Variants in FHAD1 observed in about 807,000 individuals in gnomAD.
FHAD1 encodes forkhead-associated domain-containing protein 1.
In FHAD1, 146 loss-of-function variants were observed where a neutral mutation model predicts 191.3. The observed-to-expected ratio is 0.76, with a 90% CI of 0.67 to 0.88. The LOEUF (loss-of-function observed/expected upper bound fraction) is 0.88. Among genes scored for constraint, FHAD1 ranks in the 40% least tolerant of loss-of-function variants. The probability of loss-of-function intolerance (pLI) is 0.00; values close to 1 mark genes in which losing one functional copy is unlikely to be tolerated. For synonymous variants in FHAD1, 616 were observed against 672.3 expected (o/e 0.92, Z 1.29); for missense variants, 1,635 against 1,785.8 (o/e 0.92, Z 1.52).
rs1223460403 is a variant in FHAD1, at chr1:15,381,937, G to C, written c.4023-91G>C. 7.2e-7 allele frequency: 1 copy of C among 1,395,014 alleles called. No individual in the cohort carries two copies. Among genetic ancestry groups the C allele is most frequent in the East Asian group, 2.5e-5 (1 of 39,770 alleles). The allele number at this position is 1,395,014 out of a possible 1,614,324, so 86.4% of individuals were successfully genotyped here. A position where few individuals can be genotyped will look rare whatever the true frequency, so the allele number is the denominator to read the frequency against. On this transcript the variant is annotated intron_variant, in intron 30 of 33. Coordinates refer to ENST00000688493, the MANE Select transcript of FHAD1 (RefSeq NM_001391957.1). This position sits in a 1 kb window ranked among gnomAD's most constrained non-coding sequence, Gnocchi z 4.6. ...CACTCCTGAGTGAGCCCCCACTGTG[G>C]ATGTATTTTGAGAGACTTCCGGGTC...
intron 31 of FHAD1, among the ~76,000 whole-genome samples, 166 bp from the exon 32 acceptor site, chr1:15,387,885 G>A (rs750556987): frequency 4.6e-5 from 7 of 151,916 alleles, no homozygotes; most frequent in African/African-American, 1.5e-4. Flanking sequence ...ATCCTGTCTC[G>A]AATAAAAAAG....
intron 20 of FHAD1, among the ~76,000 whole-genome samples, chr1:15,355,649 T>C (rs1373222526): frequency 1.3e-5 from 2 of 152,180 alleles, no homozygotes; most frequent in African/African-American, 2.4e-5. Context: ...ATCGCTGAGC[T>C]GTACGTGACA....
In FHAD1 at chr1:15,381,290, C is replaced by A. The variant is rs373979556; in HGVS notation, c.3861C>A (p.His1287Gln). ...SLMNIKNMSGHVSMKYLSRQE... is the reference protein window; with the variant it reads ...SLMNIKNMSGQVSMKYLSRQE... ...TGAACATCAAGAATATGTCAGGCCA[C>A]GTGTCCATGAAATACCTCTCCCGCC... Residue 1287 changes from histidine to glutamine, a missense_variant, in exon 30 of 34, where the codon CAC becomes CAA. His to Gln is a conservative substitution (Grantham distance 24, BLOSUM62 0). Coordinates refer to ENST00000688493, the MANE Select transcript of FHAD1 (RefSeq NM_001391957.1). This position sits in a 1 kb window ranked among gnomAD's most constrained non-coding sequence, Gnocchi z 4.6. 6.4e-7 allele frequency: 1 copy of A among 1,551,644 alleles called. No homozygotes were observed. Among genetic ancestry groups the A allele is most frequent in the South Asian group, 1.2e-5 (1 of 84,048 alleles).
At position 15,382,211 on chromosome 1, in the gene FHAD1, A is replaced by G. The variant is rs1243116616; in HGVS notation, c.4188+18A>G. The G allele has an allele frequency of 1.3e-6, 2 of 1,548,744 alleles. No homozygotes were observed. Among genetic ancestry groups the G allele is most frequent in the Non-Finnish European group, 1.7e-6 (2 of 1,145,982 alleles). ...AGCAGAAGGTGAGGCGCTGCTGCCCAGGGCAGAACCTCCCAGGCTGCCCTG... is the reference window on the plus strand; with the variant it reads ...AGCAGAAGGTGAGGCGCTGCTGCCCGGGGCAGAACCTCCCAGGCTGCCCTG... On this transcript the variant is annotated intron_variant, in intron 31 of 33. Transcript: ENST00000688493.
At chr1:15,387,758 G>A (rs931263464) in intron 31 of FHAD1, among the ~76,000 whole-genome samples, 7 of 152,250 alleles carry the variant, frequency 4.6e-5, no homozygotes, top group African/African-American at 7.2e-5. Flanking sequence ...GGTGGCACAC[G>A]CCCGTAGTCG....
At chr1:15,287,554 G>A (rs1280736187) in intron 3 of FHAD1, among the ~76,000 whole-genome samples, 1 of 152,222 alleles carries the variant, frequency 6.6e-6, no homozygotes, top group Non-Finnish European at 1.5e-5. Flanking sequence ...TCATTATCAC[G>A]AGAGCAGCAT....
At chr1:15,347,459 A>C (rs1023255306) in intron 18 of FHAD1, among the ~76,000 whole-genome samples, 1 of 152,180 alleles carries the variant, frequency 6.6e-6, no homozygotes, top group Non-Finnish European at 1.5e-5. Flanking sequence ...TTCAACTGCC[A>C]GTGGCTATTT....
intron 25 of FHAD1, among the ~76,000 whole-genome samples, chr1:15,368,399 G>A (rs1419329109): frequency 6.6e-6 from 1 of 152,128 alleles, no homozygotes; most frequent in Admixed American, 6.5e-5. Flanking sequence ...ATAAACTGGA[G>A]GTGTCAGCTT....
At position 15,381,191 on chromosome 1, in the gene FHAD1, C is replaced by T. The variant is rs746234372; in HGVS notation, c.3802-40C>T. 32 of 1,431,916 alleles carry T rather than the reference C, an allele frequency of 2.2e-5. No individual in the cohort carries two copies. The East Asian group carries it at 2.2e-4, about 10-fold the overall frequency. The allele number at this position is 1,431,916 out of a possible 1,614,324, so 88.7% of individuals were successfully genotyped here. ...CCTCCTTAAAGCGGCCACCAGCGGC[C>T]GCGGGTAATGCCTCTTATGCGCGAA... On this transcript the variant is annotated intron_variant, in intron 29 of 33. Coordinates refer to ENST00000688493, the MANE Select transcript of FHAD1 (RefSeq NM_001391957.1). This position sits in a 1 kb window ranked among gnomAD's most constrained non-coding sequence, Gnocchi z 4.6.
chr1:15,308,621 C>T lies in FHAD1; in HGVS notation c.924C>T (p.Ala308=). The change falls in exon 7 of 34, where the codon GCC becomes GCT. Residue 308 remains alanine, a synonymous_variant. Coordinates refer to ENST00000688493, the MANE Select transcript of FHAD1 (RefSeq NM_001391957.1). Reference sequence around the variant, plus strand: ...GCCACCTCCTCCCACAGATCAGTGCCCTACAGAAAGGCTACAGCAAGGTGC... The same window carrying T: ...GCCACCTCCTCCCACAGATCAGTGCTCTACAGAAAGGCTACAGCAAGGTGC... The part of the protein sequence containing the change: ...EIQSLKSQIS[A]LQKGYSKVLC... 6.4e-7 allele frequency: 1 copy of T among 1,551,724 alleles called. No individual in the cohort carries two copies. Among genetic ancestry groups the T allele is most frequent in the East Asian group, 2.4e-5 (1 of 40,920 alleles).
At chr1:15,275,271 C>T (rs1657893454) in intron 3 of FHAD1, among the ~76,000 whole-genome samples, 1 of 152,206 alleles carries the variant, frequency 6.6e-6, no homozygotes, top group African/African-American at 2.4e-5. Flanking sequence ...CAACAAAGCA[C>T]ACTTTTACAG....
In FHAD1 at chr1:15,369,457, G is replaced by A; in HGVS notation, c.3402G>A (p.Val1134=). 6.4e-7 allele frequency: 1 copy of A among 1,551,734 alleles called. No homozygotes were observed. The highest frequency in any genetic ancestry group is 8.7e-7 in the Non-Finnish European group (1 of 1,147,012). The change falls in exon 26 of 34, where the codon GTG becomes GTA. Residue 1134 remains valine (V), a synonymous_variant. Coordinates refer to ENST00000688493, the MANE Select transcript of FHAD1 (RefSeq NM_001391957.1). ...AGACCCAGACGTGTGACACCTCTGT[G>A]CAGATAGAACCCGTCCACACTGAGG... ...RKKTQTCDTS[V]QIEPVHTEAF...
At chr1:15,239,519 C>T (rs576012992) in intron 1 of FHAD1, among the ~76,000 whole-genome samples, 70 of 152,202 alleles carry the variant, frequency 4.6e-4, no homozygotes, top group Non-Finnish European at 8.8e-4. Flanking sequence ...ACCTGGGAGG[C>T]GGAGGTCACA....
intron 18 of FHAD1, among the ~76,000 whole-genome samples, chr1:15,348,326 T>C (rs946265681): frequency 6.6e-6 from 1 of 152,238 alleles, no homozygotes; most frequent in African/African-American, 2.4e-5. Flanking sequence ...AACCTCGTGT[T>C]TGAAAGACAA....
chr1:15,263,070 C>T (rs12066624), intron 2 of FHAD1, among the ~76,000 whole-genome samples: 1 of 152,132 alleles, frequency 6.6e-6, no homozygotes, highest in Admixed American at 6.5e-5. Flanking sequence ...GAGCATTCTT[C>T]TCATATACTT....
intron 26 of FHAD1, 116 bp downstream of exon 26, chr1:15,369,618 T>A: frequency 8.2e-7 from 1 of 1,219,910 alleles, no homozygotes; most frequent in Non-Finnish European, 1.2e-6. Context: ...GGCTTGCTGG[T>A]GTGAAATGTA....
chr1:15,251,636 T>C (rs1276508042), intron 1 of FHAD1, 135 bp from the exon 2 acceptor site: 2 of 651,382 alleles, frequency 3.1e-6, no homozygotes, highest in Non-Finnish European at 5.2e-6. Flanking sequence ...TTGACTGATC[T>C]ATCTAATCCC....
intron 1 of FHAD1, among the ~76,000 whole-genome samples, chr1:15,247,949 C>T (rs932317644): frequency 6.6e-6 from 1 of 152,102 alleles, no homozygotes; most frequent in East Asian, 1.9e-4. Context: ...GAGTTTAACG[C>T]ATCTAATCAC....
intron 14 of FHAD1, among the ~76,000 whole-genome samples, chr1:15,331,445 A>C (rs549129213): frequency 6.8e-5 from 9 of 132,622 alleles, no homozygotes; most frequent in Non-Finnish European, 1.3e-4. Flanking sequence ...GACGGGTGGA[A>C]GAAAGAATGG....
Sources: gnomAD v4.1 joint callset for allele counts (sites outside exome capture counted in the v4.1 genomes callset) on GRCh38, gnomAD v4.1.1 for gene constraint, Gnocchi (gnomAD v3.1) non-coding constraint, MANE v1.5 for transcripts, NCBI Gene and HGNC (gene_info 2026-07-23, HGNC 2026-07-21) for gene names.